The following ANKRD45 variants were observed in gnomAD, a reference collection of about 807,000 sequenced individuals.
The protein encoded by ANKRD45 is ankyrin repeat domain 45.
A neutral mutation model predicts 28.1 loss-of-function variants in ANKRD45; 21 were observed. That is an observed-to-expected ratio of 0.75 (90% CI 0.53 to 1.08). The LOEUF (loss-of-function observed/expected upper bound fraction) is 1.08, where lower values mean the gene tolerates loss of function less well. ANKRD45 is among the 50% of genes least tolerant of loss of function. The pLI is 0.00. For synonymous variants in ANKRD45, 86 were observed against 103.9 expected, an observed-to-expected ratio of 0.83 and a Z score of 1.05; for missense variants, 261 against 308.7, an observed-to-expected ratio of 0.85 and a Z score of 1.16.
At chr1:173,651,123 TTTG>T (rs1430683982) in intron 2 of ANKRD45, among the ~76,000 whole-genome samples, 3 of 152,214 alleles carry the variant, frequency 2.0e-5, no homozygotes, top group African/African-American at 7.2e-5. Context: ...GATTTGGGCT[TTTG>T]TTGCCATTGC....
intron 5 of ANKRD45, chr1:173,612,475 C>T (rs1417297784): frequency 6.6e-6 from 1 of 152,162 alleles, no homozygotes; most frequent in Non-Finnish European, 1.5e-5. Flanking sequence ...TGAAAAGATG[C>T]TCAGAATTGT....
At chr1:173,708,761 T>A in the ANKRD45 span, among the ~76,000 whole-genome samples, 1 of 152,230 alleles carries the variant, frequency 6.6e-6, no homozygotes, top group Non-Finnish European at 1.5e-5. Context: ...AGGTTTCACA[T>A]AACTAATAAC....
rs1385945592 is a variant in ANKRD45 at position 173,609,844 on chromosome 1, G to A, written c.*301C>T. On this transcript the variant is annotated 3_prime_UTR_variant, in exon 6 of 6. Transcript: ENST00000333279. Reference sequence around the variant, plus strand: ...TTATATGGAATGCCTCAATTACACAGAAAATTATTAGATTCTCTGAGTAGT... The same window carrying A: ...TTATATGGAATGCCTCAATTACACAAAAAATTATTAGATTCTCTGAGTAGT... 1.1e-5 allele frequency: 3 copies of A among 271,028 alleles called. No homozygotes were observed. The highest frequency in any genetic ancestry group is 1.4e-5 in the Non-Finnish European group (2 of 145,916). 16.8% of individuals were successfully genotyped at this position (271,028 alleles called of 1,614,324 possible).
intron 3 of ANKRD45, among the ~76,000 whole-genome samples, chr1:173,634,607 C>A (rs1668339059): frequency 6.6e-6 from 1 of 151,942 alleles, no homozygotes; most frequent in Admixed American, 6.6e-5. Flanking sequence ...TTTCCTAATT[C>A]CCCCAAGTGG....
intron 5 of ANKRD45, among the ~76,000 whole-genome samples, chr1:173,612,249 TGAAA>T (rs1222891642): frequency 9.6e-6 from 1 of 103,702 alleles, no homozygotes; most frequent in Admixed American, 1.2e-4. Context: ...TGTCTTAAAA[TGAAA>T]GAAAGAAAAG....
At chr1:173,661,835 A>G (rs968767336) in intron 1 of ANKRD45, among the ~76,000 whole-genome samples, 1 of 152,186 alleles carries the variant, frequency 6.6e-6, no homozygotes, top group Non-Finnish European at 1.5e-5. Context: ...GCAATAAAAA[A>G]TAAAAAAAGT....
intron 5 of ANKRD45, among the ~76,000 whole-genome samples, chr1:173,613,647 AG>A (rs528829673): frequency 3.9e-4 from 46 of 118,726 alleles, no homozygotes; most frequent in Non-Finnish European, 5.6e-4. Context: ...GGGAGGGAGG[AG>A]GGGGGTCAGC....
At chr1:173,684,987 T>C in the ANKRD45 span, among the ~76,000 whole-genome samples, 9 of 152,244 alleles carry the variant, frequency 5.9e-5, no homozygotes, top group African/African-American at 1.9e-4. Flanking sequence ...TGTGGGACTT[T>C]AATTGTGTCT....
At chr1:173,667,415 C>A (rs1420047356) in intron 1 of ANKRD45, among the ~76,000 whole-genome samples, 1 of 152,040 alleles carries the variant, frequency 6.6e-6, no homozygotes, top group African/African-American at 2.4e-5. Flanking sequence ...AAGAAACTAC[C>A]ACTTGTGGCC....
At chr1:173,614,081 AAGAGTCAT>A (rs1667351716) in intron 5 of ANKRD45, among the ~76,000 whole-genome samples, 1 of 152,134 alleles carries the variant, frequency 6.6e-6, no homozygotes, top group Non-Finnish European at 1.5e-5. Flanking sequence ...CAGACTCGCT[AAGAGTCAT>A]CACCACTCCC....
At position 173,608,756 on chromosome 1, in the gene ANKRD45, G is replaced by A. The variant is rs1303978966; in HGVS notation, c.*1389C>T. 6.7e-6 allele frequency among the ~76,000 whole-genome samples: 1 copy of A among 148,500 alleles called. No homozygotes were observed. Among genetic ancestry groups the A allele is most frequent in the East Asian group, 2.0e-4 (1 of 5,066 alleles). ...CAGGAGAGGCAGACCCTGTCAAGAA[G>A]GTTGCGGGGGTGGAGAGAGAGAGAG... On this transcript the variant is annotated 3_prime_UTR_variant, in exon 6 of 6. Coordinates refer to ENST00000333279, the MANE Select transcript of ANKRD45 (RefSeq NM_198493.3).
At chr1:173,675,441 C>T in the ANKRD45 span, 5 of 221,466 alleles carry the variant, frequency 2.3e-5, no homozygotes, top group Non-Finnish European at 3.7e-5. Context: ...GGCAAAACCC[C>T]GTATCTACTA....
chr1:173,613,564 C>CCCCA (rs1667307351), intron 5 of ANKRD45, among the ~76,000 whole-genome samples: 1 of 118,952 alleles, frequency 8.4e-6, no homozygotes, highest in African/African-American at 6.6e-5. Context: ...GGGGGTCAGC[C>CCCCA]CCCCCCCCGG....
At chr1:173,682,722 C>CACACA in the ANKRD45 span, among the ~76,000 whole-genome samples, 2 of 148,694 alleles carry the variant, frequency 1.3e-5, no homozygotes, top group East Asian at 2.0e-4. Flanking sequence ...CACACACACA[C>CACACA]ATCTTGGATG....
intron 2 of ANKRD45, among the ~76,000 whole-genome samples, chr1:173,650,846 A>G (rs903028141): frequency 3.9e-5 from 6 of 152,188 alleles, no homozygotes; most frequent in African/African-American, 1.4e-4. Context: ...CTGATGACCA[A>G]CAATGATGAG....
chr1:173,681,857 C>T, the ANKRD45 span, among the ~76,000 whole-genome samples: 1 of 151,918 alleles, frequency 6.6e-6, no homozygotes, highest in Non-Finnish European at 1.5e-5. Flanking sequence ...CAAGACCATC[C>T]TGGCCAACAT....
At chr1:173,674,064 A>G (rs1012676052), upstream of ANKRD45, among the ~76,000 whole-genome samples, 1 of 152,148 alleles carries the variant, frequency 6.6e-6, no homozygotes, top group African/African-American at 2.4e-5. Context: ...GCTGGAGTGC[A>G]GTGGTGTGAT....
chr1:173,628,243 GA>G (rs1668026074), intron 3 of ANKRD45, among the ~76,000 whole-genome samples: 1 of 151,226 alleles, frequency 6.6e-6, no homozygotes, highest in South Asian at 2.1e-4. Flanking sequence ...TCTGCTTGAC[GA>G]AAGGAGAGGG....
Position 173,636,051 on chromosome 1 carries a change from T to A in ANKRD45, c.497-8892A>T, listed in dbSNP as rs957413538. 4.7e-4 allele frequency among the ~76,000 whole-genome samples: 71 copies of A among 152,088 alleles called. 1 individual carries two copies. The highest frequency in any genetic ancestry group is 1.6e-3 in the African/African-American group (65 of 41,436). On this transcript the variant is annotated intron_variant, in intron 3 of 5. Transcript: ENST00000333279. ...GTATTGAATTAGAAGGTCCTTAGAA[T>A]CATCTAGCCCCCTCTACTTCAAGTT...
Sources: gnomAD v4.1 joint callset for allele counts (sites outside exome capture counted in the v4.1 genomes callset) on GRCh38, gnomAD v4.1.1 for gene constraint, MANE v1.5 for transcripts, NCBI Gene and HGNC (gene_info 2026-07-23, HGNC 2026-07-21) for gene names.